Variants in SENP2 observed in about 807,000 individuals in gnomAD.
SENP2 encodes the protein sentrin-specific protease 2.
A neutral mutation model predicts 86.3 loss-of-function variants in SENP2; 16 were observed. The ratio of observed to expected loss-of-function variants is 0.19; its 90% confidence interval spans 0.13 to 0.28. SENP2 has a LOEUF of 0.28. Among genes scored for constraint, SENP2 ranks in the 10% least tolerant of loss-of-function variants. The probability of loss-of-function intolerance (pLI) is 1.00; values close to 1 mark genes in which losing one functional copy is unlikely to be tolerated. For synonymous variants in SENP2, 222 were observed against 238.7 expected (o/e 0.93, Z 0.64); for missense variants, 552 against 703.0 (o/e 0.79, Z 2.43).
Position 185,633,354 on chromosome 3 carries a change from A to C in SENP2, c.*3510A>C, listed in dbSNP as rs1294114003. 6.6e-6 allele frequency: 1 copy of C among 151,950 alleles called. No individual in the cohort carries two copies. The highest frequency in any genetic ancestry group is 1.5e-5 in the Non-Finnish European group (1 of 68,022). The allele number at this position is 151,950 out of a possible 1,614,324, so 9.4% of individuals were successfully genotyped here. On this transcript the variant is annotated 3_prime_UTR_variant, in exon 17 of 17. Transcript: ENST00000296257. The stretch of plus-strand genomic sequence containing the variant: ...ATCTCTTTTGTAACTGTTTGAGAAA[A>C]ACTCTGAAGCACCTGATATTCAAAC...
At chr3:185,588,934 A>G (rs1721887644) in intron 1 of SENP2, among the ~76,000 whole-genome samples, 1 of 152,192 alleles carries the variant, frequency 6.6e-6, no homozygotes, top group Admixed American at 6.5e-5. Context: ...GATCTTTACT[A>G]TACTTTAGGT....
At chr3:185,606,972 A>G (rs534832667) in intron 6 of SENP2, 4 of 255,170 alleles carry the variant, frequency 1.6e-5, no homozygotes, top group Non-Finnish European at 3.1e-5. Context: ...ACTATGTTAT[A>G]TATTTCTTTT....
At chr3:185,620,973 T>C (rs1183704339) in intron 13 of SENP2, among the ~76,000 whole-genome samples, 2 of 151,230 alleles carry the variant, frequency 1.3e-5, no homozygotes, top group African/African-American at 2.4e-5. Flanking sequence ...ACCCTGTCTA[T>C]ACAAATTTAA....
rs1274626431 is a variant in SENP2 at position 185,633,360 on chromosome 3, G to A, written c.*3516G>A. The stretch of plus-strand genomic sequence containing the variant: ...TTTGTAACTGTTTGAGAAAAACTCT[G>A]AAGCACCTGATATTCAAACAAACTT... On this transcript the variant is annotated 3_prime_UTR_variant, in exon 17 of 17. Coordinates refer to ENST00000296257, the MANE Select transcript of SENP2 (RefSeq NM_021627.3). 1 of 151,368 alleles carries A rather than the reference G, an allele frequency of 6.6e-6. No individual in the cohort carries two copies. Among genetic ancestry groups the A allele is most frequent in the African/African-American group, 2.4e-5 (1 of 41,114 alleles). 9.4% of individuals were successfully genotyped at this position (151,368 alleles called of 1,614,324 possible). A position where few individuals can be genotyped will look rare whatever the true frequency, so the allele number is the denominator to read the frequency against.
chr3:185,629,938 C>T lies in SENP2; in HGVS notation c.*94C>T. The T allele has an allele frequency of 8.1e-7, 1 of 1,237,504 alleles. No homozygotes were observed. Among genetic ancestry groups the T allele is most frequent in the Non-Finnish European group, 1.2e-6 (1 of 847,298 alleles). The allele number at this position is 1,237,504 out of a possible 1,614,324, so 76.7% of individuals were successfully genotyped here. A position where few individuals can be genotyped will look rare whatever the true frequency, so the allele number is the denominator to read the frequency against. ...TGTGGGTTAAAAAGTCCCTGCATCA[C>T]TTCTGTTCTCACAGGTACTGAGCTG... On this transcript the variant is annotated 3_prime_UTR_variant, in exon 17 of 17. Coordinates refer to ENST00000296257, the MANE Select transcript of SENP2 (RefSeq NM_021627.3).
intron 5 of SENP2, among the ~76,000 whole-genome samples, chr3:185,605,215 C>G (rs1006256479): frequency 6.6e-6 from 1 of 150,478 alleles, no homozygotes; most frequent in Non-Finnish European, 1.5e-5. Flanking sequence ...ACTTAAAATA[C>G]AAAAAATTAG....
At chr3:185,606,606 T>C in intron 6 of SENP2, 108 bp downstream of exon 6, 1 of 945,726 alleles carries the variant, frequency 1.1e-6, no homozygotes, top group Non-Finnish European at 1.5e-6. Context: ...CATTGTAGGT[T>C]TTCCTACAAT....
rs547822138 is a variant in SENP2, at chr3:185,596,481, C to A, written c.158-1931C>A. On this transcript the variant is annotated intron_variant, in intron 2 of 16. Coordinates refer to ENST00000296257, the MANE Select transcript of SENP2 (RefSeq NM_021627.3). The stretch of plus-strand genomic sequence containing the variant: ...CAAAAAATCAAAAAAATTAGCCAGA[C>A]ATGGTGGTGCATGCCTGTGATCCCA... Among the ~76,000 whole-genome samples, 6 of 152,030 alleles carry A rather than the reference C, an allele frequency of 3.9e-5. No homozygotes were observed. In the South Asian group the frequency reaches 1.2e-3, roughly 32 times the overall value.
chr3:185,615,871 T>G (rs1283111809), intron 11 of SENP2, among the ~76,000 whole-genome samples: 4 of 151,922 alleles, frequency 2.6e-5, no homozygotes, highest in Admixed American at 6.6e-5. Context: ...TTTATTTATT[T>G]ATTTATTTTT....
chr3:185,615,860 TTTTA>T (rs202182503), intron 11 of SENP2, among the ~76,000 whole-genome samples: 4 of 151,802 alleles, frequency 2.6e-5, no homozygotes, highest in South Asian at 2.1e-4. Flanking sequence ...TATTTTGATG[TTTTA>T]TTTATTTATT....
chr3:185,612,673 T>C lies in SENP2; in HGVS notation c.869+15T>C. 6.4e-7 allele frequency: 1 copy of C among 1,567,908 alleles called. No individual in the cohort carries two copies. The highest frequency in any genetic ancestry group is 8.8e-7 in the Non-Finnish European group (1 of 1,139,144). On this transcript the variant is annotated intron_variant, in intron 9 of 16. Transcript: ENST00000296257. Reference sequence around the variant, plus strand: ...AGTGAAAAGAGGTACGTACATTCAGTTCATTCTACACTTTCTTTTAATATA... The same window carrying C: ...AGTGAAAAGAGGTACGTACATTCAGCTCATTCTACACTTTCTTTTAATATA...
rs937224025 is a variant in SENP2 at position 185,597,457 on chromosome 3, A to G, written c.158-955A>G. 3.0e-4 allele frequency among the ~76,000 whole-genome samples: 45 copies of G among 151,754 alleles called. 1 individual carries two copies. The highest frequency in any genetic ancestry group is 1.0e-4 in the Non-Finnish European group (7 of 67,992). On this transcript the variant is annotated intron_variant, in intron 2 of 16. Coordinates refer to ENST00000296257, the MANE Select transcript of SENP2 (RefSeq NM_021627.3). ...AACCTCCGCCTCCCAGGTTCCAGCG[A>G]TTCTCCTGCATCAGCCTCCTGAGTA...
At chr3:185,587,809 A>C (rs1250769983) in intron 1 of SENP2, among the ~76,000 whole-genome samples, 2 of 143,518 alleles carry the variant, frequency 1.4e-5, no homozygotes, top group African/African-American at 5.2e-5. Context: ...ATCTCAGCTC[A>C]CTGCAACCTC....
At chr3:185,598,758 GCTTT>G (rs1199225934) in intron 3 of SENP2, among the ~76,000 whole-genome samples, 196 bp from the exon 4 acceptor site, 2 of 152,098 alleles carry the variant, frequency 1.3e-5, no homozygotes, top group African/African-American at 4.8e-5. Flanking sequence ...TATTACATAT[GCTTT>G]CTTATTTAAG....
At chr3:185,602,910 A>C (rs1219378436) in intron 5 of SENP2, among the ~76,000 whole-genome samples, 1 of 118,816 alleles carries the variant, frequency 8.4e-6, no homozygotes, top group African/African-American at 3.3e-5. Flanking sequence ...CTTACACGTT[A>C]CTTTTTTTTT....
In SENP2 at chr3:185,614,715, C is replaced by T. The variant is rs781676402; in HGVS notation, c.1085C>T (p.Thr362Met). ...TCAGGCAAAGAGAGGGACAGAAGAACGGACGATCTCCTTGAACTTACAGAG... is the reference window on the plus strand; with the variant it reads ...TCAGGCAAAGAGAGGGACAGAAGAATGGACGATCTCCTTGAACTTACAGAG... The part of the protein sequence containing the change: ...NCSGKERDRR[T>M]DDLLELTEDM... Residue 362 changes from threonine (T) to methionine (M), a missense_variant, in exon 11 of 17, where the codon ACG (threonine) becomes ATG (methionine). By Grantham distance (81) the Thr-to-Met change is moderately conservative. This residue lies in a region of SENP2 where 169 missense variants were observed against 275.7 expected (regional missense o/e 0.61). Coordinates refer to ENST00000296257, the MANE Select transcript of SENP2 (RefSeq NM_021627.3). The T allele has an allele frequency of 6.2e-6, 10 of 1,613,960 alleles. No homozygotes were observed. Among genetic ancestry groups the T allele is most frequent in the Middle Eastern group, 1.6e-4 (1 of 6,084 alleles).
Position 185,598,556 on chromosome 3 carries a change from A to T in SENP2, c.291+11A>T, listed in dbSNP as rs1722249196. 1 of 1,612,314 alleles carries T rather than the reference A, an allele frequency of 6.2e-7. No individual in the cohort carries two copies. ...GCCCCTTCAGGAGAGGTCAGTGGGG[A>T]TGAGACTCCATTAGGAATACTGATC... On this transcript the variant is annotated intron_variant, in intron 3 of 16. Transcript: ENST00000296257.
rs1309098775 is a variant in SENP2 at position 185,630,164 on chromosome 3, T to G, written c.*320T>G. On this transcript the variant is annotated 3_prime_UTR_variant, in exon 17 of 17. Transcript: ENST00000296257. Reference sequence around the variant, plus strand: ...GAAATGCAGGATTTATTCTGTGAATTGTTTGTTTCTGTGTGTTTGTTCAGC... The same window carrying G: ...GAAATGCAGGATTTATTCTGTGAATGGTTTGTTTCTGTGTGTTTGTTCAGC... 1 of 252,770 alleles carries G rather than the reference T, an allele frequency of 4.0e-6. No homozygotes were observed. The highest frequency in any genetic ancestry group is 2.1e-5 in the African/African-American group (1 of 46,940). 15.7% of individuals were successfully genotyped at this position (252,770 alleles called of 1,614,324 possible).
Position 185,611,718 on chromosome 3 carries a change from A to C in SENP2, c.790A>C (p.Lys264Gln). The change falls in exon 8 of 17, where the codon AAA (lysine) becomes CAA (glutamine). Residue 264 changes from lysine (K) to glutamine (Q), a missense_variant. Physicochemically the swap from Lys to Gln is moderately conservative, Grantham distance 53. Coordinates refer to ENST00000296257, the MANE Select transcript of SENP2 (RefSeq NM_021627.3). ...GGGGGAAGAGCAAAATCACGGAGTCAAAACAACTCAGTTTGTTCCAAAACA... is the reference window on the plus strand; with the variant it reads ...GGGGGAAGAGCAAAATCACGGAGTCCAAACAACTCAGTTTGTTCCAAAACA... ...GWGEEQNHGVKTTQFVPKQYR... is the reference protein window; with the variant it reads ...GWGEEQNHGVQTTQFVPKQYR... 6.2e-7 allele frequency: 1 copy of C among 1,613,452 alleles called. No individual in the cohort carries two copies. The highest frequency in any genetic ancestry group is 2.2e-5 in the East Asian group (1 of 44,880).
Sources: allele counts gnomAD v4.1 joint callset (sites outside exome capture counted in the v4.1 genomes callset), GRCh38; gene constraint gnomAD v4.1.1; regional missense constraint gnomAD v4.1.1; transcripts MANE v1.5; gene names NCBI Gene and HGNC (gene_info 2026-07-23, HGNC 2026-07-21).